PHKA1: variants seen among roughly 807,000 people sequenced by gnomAD.
PHKA1 encodes the protein phosphorylase b kinase regulatory subunit alpha, skeletal muscle isoform.
Under a neutral mutation model 110.2 loss-of-function variants are expected in PHKA1, and 60 were observed. That is an observed-to-expected ratio of 0.54 (90% CI 0.44 to 0.68). The LOEUF (loss-of-function observed/expected upper bound fraction) is 0.68. Among genes scored for constraint, PHKA1 ranks in the 30% least tolerant of loss-of-function variants. The pLI, the probability that PHKA1 is intolerant of heterozygous loss-of-function variation, is 0.00. For synonymous variants in PHKA1, 316 were observed against 333.6 expected, an observed-to-expected ratio of 0.95 and a Z score of 0.58; for missense variants, 801 against 942.5, an observed-to-expected ratio of 0.85 and a Z score of 1.97.
In PHKA1 at chrX:72,627,811, C is replaced by CTTTT. The variant is rs1160541868; in HGVS notation, c.1715-766_1715-763dup. ...CAGTATAGAAAGACTTTTTCCTACA[C>CTTTT]TTTTTTTTTTTTTTTTTTTTTTTTG... On this transcript the variant is annotated intron_variant, in intron 16 of 31. Transcript: ENST00000373542. Among the ~76,000 whole-genome samples the CTTTT allele has an allele frequency of 1.2e-3, 82 of 67,853 alleles. 2 individuals carry two copies. Among genetic ancestry groups the CTTTT allele is most frequent in the African/African-American group, 4.9e-3 (68 of 13,855 alleles). The allele number at this position is 67,853 out of a possible 115,157, so 58.9% of individuals were successfully genotyped here.
chrX:72,605,323 A>T lies in PHKA1; in HGVS notation c.2763T>A (p.Gly921=), dbSNP rs541124093. 5.0e-6 allele frequency: 6 copies of T among 1,203,060 alleles called. No individual in the cohort carries two copies. The highest frequency in any genetic ancestry group is 5.9e-5 in the East Asian group (2 of 33,755). ...CTGTTGCCATAACTTGTATGATCAGACCAATTCGAAGTCGAAACATTTCAG... is the reference window on the plus strand; with the variant it reads ...CTGTTGCCATAACTTGTATGATCAGTCCAATTCGAAGTCGAAACATTTCAG... ...LFAEMFRLRI[G]LIIQVMATEL... The change falls in exon 25 of 32, where the codon GGT becomes GGA. Residue 921 remains glycine, a synonymous_variant. Coordinates refer to ENST00000373542, the MANE Select transcript of PHKA1 (RefSeq NM_002637.4).
intron 14 of PHKA1, 79 bp from the exon 15 acceptor site, chrX:72,636,465 T>TAC (rs1249511508): frequency 1.1e-4 from 58 of 537,541 alleles, no homozygotes; most frequent in East Asian, 8.7e-4. Flanking sequence ...TATATATATA[T>TAC]ACACACACAT....
rs2053213004 is a variant in PHKA1, at chrX:72,635,047, A to C, written c.1714+108T>G. On this transcript the variant is annotated intron_variant, in intron 16 of 31. Transcript: ENST00000373542. ...AATAGGAGCCAATAAATACTGCTGA[A>C]AGAATAAATTATAAGAAGTAGCTCT... 8.0e-6 allele frequency: 8 copies of C among 1,004,010 alleles called. No individual in the cohort carries two copies. The South Asian group carries it at 1.6e-4, about 20-fold the overall frequency. The allele number at this position is 1,004,010 out of a possible 1,213,427, so 82.7% of individuals were successfully genotyped here.
intron 7 of PHKA1, among the ~76,000 whole-genome samples, chrX:72,667,034 C>T (rs2053622766): frequency 8.9e-6 from 1 of 112,292 alleles, no homozygotes; most frequent in East Asian, 2.8e-4. Context: ...AAGAATACTA[C>T]AAATCCATCA....
intron 14 of PHKA1, among the ~76,000 whole-genome samples, chrX:72,637,279 C>T (rs1251332599): frequency 8.9e-6 from 1 of 111,907 alleles, no homozygotes; most frequent in African/African-American, 3.2e-5. Flanking sequence ...AATTCGGTAT[C>T]TCATATAAAT....
At chrX:72,680,640 C>T (rs1482172290) in intron 5 of PHKA1, among the ~76,000 whole-genome samples, 2 of 109,159 alleles carry the variant, frequency 1.8e-5, no homozygotes, top group African/African-American at 3.4e-5. Flanking sequence ...GTGGTTGGCG[C>T]GCTGCGCTGC....
At chrX:72,621,810 G>A in intron 18 of PHKA1, 2 of 749,954 alleles carry the variant, frequency 2.7e-6, no homozygotes, top group Non-Finnish European at 3.1e-6. Flanking sequence ...ATGGAGAGAA[G>A]CTCTTTACCC....
intron 6 of PHKA1, 151 bp downstream of exon 6, chrX:72,675,919 C>A: frequency 2.1e-6 from 1 of 477,520 alleles, no homozygotes; most frequent in Non-Finnish European, 3.7e-6. Context: ...TCTACATATC[C>A]ATGGTTCTAC....
rs1453138005 is a variant in PHKA1 at position 72,579,049 on chromosome X, G to A, written c.*1953C>T. ...TAAACTCAGAGAAATGCAGCCCTTC[G>A]AGTAAGTTCAGGCAAATGAGTGTGG... On this transcript the variant is annotated 3_prime_UTR_variant, in exon 32 of 32. Transcript: ENST00000373542. 2.7e-5 allele frequency: 3 copies of A among 112,034 alleles called. No homozygotes were observed. Among genetic ancestry groups the A allele is most frequent in the East Asian group, 2.8e-4 (1 of 3,590 alleles). The allele number at this position is 112,034 out of a possible 1,213,427, so 9.2% of individuals were successfully genotyped here.
intron 9 of PHKA1, among the ~76,000 whole-genome samples, chrX:72,656,860 TATGATG>T (rs1282016021): frequency 8.9e-6 from 1 of 111,910 alleles, no homozygotes; most frequent in Non-Finnish European, 1.9e-5. Flanking sequence ...TTTAAGAGCT[TATGATG>T]ATGTTTCAGA....
intron 14 of PHKA1, among the ~76,000 whole-genome samples, chrX:72,638,594 G>A (rs2053258337): frequency 9.0e-6 from 1 of 110,893 alleles, no homozygotes; most frequent in Non-Finnish European, 1.9e-5. Context: ...ATTTTAGTAG[G>A]CAGATACAGT....
intron 23 of PHKA1, among the ~76,000 whole-genome samples, chrX:72,608,761 T>A (rs1302283842): frequency 4.5e-5 from 5 of 110,513 alleles, no homozygotes; most frequent in African/African-American, 1.3e-4. Flanking sequence ...CTGGATAGAG[T>A]TTAACCAGGA....
chrX:72,694,611 C>A (rs1556325873), intron 4 of PHKA1, among the ~76,000 whole-genome samples: 1 of 112,185 alleles, frequency 8.9e-6, no homozygotes. Context: ...TCCTCAAAGG[C>A]CTGATCAAAT....
chrX:72,640,866 G>A (rs1385385661), intron 14 of PHKA1, among the ~76,000 whole-genome samples: 2 of 110,763 alleles, frequency 1.8e-5, no homozygotes, highest in Admixed American at 1.9e-4. Context: ...TTTGTACACA[G>A]GCAAGAAAAT....
In PHKA1 at chrX:72,601,901, A is replaced by G. The variant is rs184195764; in HGVS notation, c.3072+90T>C. Reference sequence around the variant, plus strand: ...CAAACAATCTACTCCATGACTTGTTATCTTATTTGTAAAAAGGCCATGAGC... The same window carrying G: ...CAAACAATCTACTCCATGACTTGTTGTCTTATTTGTAAAAAGGCCATGAGC... On this transcript the variant is annotated intron_variant, in intron 28 of 31. Coordinates refer to ENST00000373542, the MANE Select transcript of PHKA1 (RefSeq NM_002637.4). 5.8e-4 allele frequency: 375 copies of G among 647,606 alleles called. No individual in the cohort carries two copies. The African/African-American group carries it at 7.1e-3, about 12-fold the overall frequency. 53.4% of individuals were successfully genotyped at this position (647,606 alleles called of 1,213,427 possible). A position where few individuals can be genotyped will look rare whatever the true frequency, so the allele number is the denominator to read the frequency against.
chrX:72,602,282 T>C lies in PHKA1; in HGVS notation c.2918-9A>G. The C allele has an allele frequency of 9.8e-7, 1 of 1,021,137 alleles. No homozygotes were observed. The highest frequency in any genetic ancestry group is 2.5e-4 in the Middle Eastern group (1 of 3,941). 84.2% of individuals were successfully genotyped at this position (1,021,137 alleles called of 1,213,427 possible). On this transcript the variant is annotated splice_polypyrimidine_tract_variant and intron_variant, in intron 26 of 31. Transcript: ENST00000373542. ...TGAATCAGTGGGACGAACTATGTAG[T>C]ATGAGAGATTACAGAGAAAGAGAGA...
intron 6 of PHKA1, among the ~76,000 whole-genome samples, chrX:72,675,206 T>TAATA (rs782156045): frequency 7.2e-4 from 75 of 104,129 alleles, no homozygotes; most frequent in South Asian, 1.2e-3. Context: ...ATAATAATAA[T>TAATA]AATAAATAAA....
In PHKA1 at chrX:72,603,189, G is replaced by A. The variant is rs1488195987; in HGVS notation, c.2847C>T (p.Leu949=). 8.3e-7 allele frequency: 1 copy of A among 1,204,797 alleles called. No individual in the cohort carries two copies. The highest frequency in any genetic ancestry group is 1.1e-6 in the Non-Finnish European group (1 of 890,672). ...AEEATEGLMN[L]SPSAMKNLLH... Reference sequence around the variant, plus strand: ...GGAGATTCTTCATGGCCGAAGGACTGAGATTCATCAGGCCCTCTGTGGCTT... The same window carrying A: ...GGAGATTCTTCATGGCCGAAGGACTAAGATTCATCAGGCCCTCTGTGGCTT... The change falls in exon 26 of 32, where the codon CTC becomes CTT. Residue 949 remains leucine, a synonymous_variant. Coordinates refer to ENST00000373542, the MANE Select transcript of PHKA1 (RefSeq NM_002637.4).
chrX:72,658,308 A>AGG (rs1556302336), intron 8 of PHKA1, among the ~76,000 whole-genome samples: 2 of 109,942 alleles, frequency 1.8e-5, no homozygotes, highest in Admixed American at 1.9e-4. Context: ...AAAATACAAA[A>AGG]ATTAGCCAGG....
Sources: gnomAD v4.1 joint callset for allele counts (sites outside exome capture counted in the v4.1 genomes callset) on GRCh38, gnomAD v4.1.1 for gene constraint, MANE v1.5 for transcripts, NCBI Gene and HGNC (gene_info 2026-07-23, HGNC 2026-07-21) for gene names.